LRP11: variants seen among roughly 807,000 people sequenced by gnomAD.
The protein encoded by LRP11 is LDL receptor related protein 11.
In LRP11, 25 loss-of-function variants were observed where a neutral mutation model predicts 43.1. That is an observed-to-expected ratio of 0.58 (90% CI 0.42 to 0.81). The LOEUF (loss-of-function observed/expected upper bound fraction) is 0.81, where lower values mean the gene tolerates loss of function less well. LRP11 is among the 30% of genes least tolerant of loss of function. The pLI is 0.00. For synonymous variants in LRP11, 316 were observed against 299.4 expected (o/e 1.06, Z -0.57); for missense variants, 623 against 665.1 (o/e 0.94, Z 0.70).
chr6:149,861,395 G>A (rs895841772), intron 1 of LRP11, among the ~76,000 whole-genome samples: 1 of 152,060 alleles, frequency 6.6e-6, no homozygotes, highest in Non-Finnish European at 1.5e-5. Flanking sequence ...CACCGCGCTC[G>A]CCTATTTTCA....
chr6:149,853,099 G>A lies in LRP11; in HGVS notation c.675C>T (p.Asp225=), dbSNP rs756634027. The change falls in exon 2 of 7, where the codon GAC becomes GAT. Residue 225 remains aspartate (D), a synonymous_variant. Coordinates refer to ENST00000239367, the MANE Select transcript of LRP11 (RefSeq NM_032832.6). ...TCTCGCGGCCGTCTAGAACCACCCC[G>A]TCTGTGGGCAGATGCAGAACCACAT... ...GQDVVLHLPT[D]GVVLDGREST... The A allele has an allele frequency of 7.4e-6, 12 of 1,612,222 alleles. No individual in the cohort carries two copies. The highest frequency in any genetic ancestry group is 6.7e-5 in the East Asian group (3 of 44,718).
intron 5 of LRP11, among the ~76,000 whole-genome samples, chr6:149,833,113 A>G (rs967625347): frequency 1.3e-5 from 2 of 151,470 alleles, no homozygotes; most frequent in Non-Finnish European, 2.9e-5. Flanking sequence ...TGGCCTTTGT[A>G]TTTTTAGTAG....
At chr6:149,842,424 T>G in intron 3 of LRP11, 1 of 574,056 alleles carries the variant, frequency 1.7e-6, no homozygotes, top group Non-Finnish European at 3.1e-6. Flanking sequence ...AAACCTACTG[T>G]TTTAGCAATT....
chr6:149,848,141 G>A (rs1248611941), intron 2 of LRP11, among the ~76,000 whole-genome samples: 1 of 151,920 alleles, frequency 6.6e-6, no homozygotes, highest in East Asian at 1.9e-4. Flanking sequence ...TCATGAATGA[G>A]GTTAGTGCCC....
At chr6:149,822,873 T>C (rs1176008801) in intron 6 of LRP11, among the ~76,000 whole-genome samples, 1 of 152,196 alleles carries the variant, frequency 6.6e-6, no homozygotes, top group African/African-American at 2.4e-5. Context: ...CAGATTGAGA[T>C]GCCTATCAGC....
At position 149,863,787 on chromosome 6, in the gene LRP11, C is replaced by T. The variant is rs1237193960; in HGVS notation, c.234G>A (p.Glu78=). The part of the protein sequence containing the change: ...QERPQEELEL[E]LRAGGGPQED... ...CCTGGGGGCCGCCGCCCGCGCGCAGCTCCAGCTCCAGCTCCTCCTGAGGCC... is the reference window on the plus strand; with the variant it reads ...CCTGGGGGCCGCCGCCCGCGCGCAGTTCCAGCTCCAGCTCCTCCTGAGGCC... Residue 78 remains glutamate, a synonymous_variant, in exon 1 of 7, where the codon GAG becomes GAA. Coordinates refer to ENST00000239367, the MANE Select transcript of LRP11 (RefSeq NM_032832.6). The T allele has an allele frequency of 1.3e-6, 2 of 1,486,044 alleles. No individual in the cohort carries two copies. The highest frequency in any genetic ancestry group is 1.5e-5 in the African/African-American group (1 of 68,478). The allele number at this position is 1,486,044 out of a possible 1,614,324, so 92.1% of individuals were successfully genotyped here.
intron 3 of LRP11, 103 bp downstream of exon 3, chr6:149,842,880 A>T: frequency 7.2e-7 from 1 of 1,391,086 alleles, no homozygotes; most frequent in South Asian, 1.3e-5. Flanking sequence ...ATAACCAAAA[A>T]TAAAATGGAA....
At chr6:149,833,404 T>C (rs1321523372) in intron 5 of LRP11, among the ~76,000 whole-genome samples, 4 of 152,162 alleles carry the variant, frequency 2.6e-5, no homozygotes, top group Non-Finnish European at 5.9e-5. Flanking sequence ...TTCAGTTTTG[T>C]TTTTTTCTTC....
chr6:149,823,186 A>C (rs955963262), intron 6 of LRP11, among the ~76,000 whole-genome samples: 4 of 152,200 alleles, frequency 2.6e-5, no homozygotes, highest in Non-Finnish European at 4.4e-5. Context: ...TCCTCAGCTG[A>C]ATCAAATGCT....
chr6:149,854,222 G>A (rs1047860655), intron 1 of LRP11, among the ~76,000 whole-genome samples: 4 of 152,152 alleles, frequency 2.6e-5, no homozygotes, highest in African/African-American at 9.7e-5. Flanking sequence ...CTGGGCTCAA[G>A]TGATCCTCCT....
At chr6:149,833,060 G>A (rs186368249) in intron 5 of LRP11, among the ~76,000 whole-genome samples, 156 of 152,126 alleles carry the variant, frequency 1.0e-3, no homozygotes, top group Non-Finnish European at 1.7e-3. Context: ...CGCCTGCCTC[G>A]GCCTCCCAAA....
Position 149,826,302 on chromosome 6 carries a change from C to A in LRP11, c.1310G>T (p.Gly437Val). Residue 437 changes from glycine (G) to valine (V), a missense_variant, in exon 6 of 7, where the codon GGT (glycine) becomes GTT (valine). Physicochemically the swap from Gly to Val is moderately radical, Grantham distance 109 (BLOSUM62 -3). Transcript: ENST00000239367. Reference sequence around the variant, plus strand: ...TGGGTGTTCCCCTCCTCCTCCATCACCCTTTGACTCAAATATATAACTTTC... The same window carrying A: ...TGGGTGTTCCCCTCCTCCTCCATCAACCTTTGACTCAAATATATAACTTTC... ...KEESYIFESK[G>V]DGGGGEHPAP... 6.2e-7 allele frequency: 1 copy of A among 1,613,856 alleles called. No individual in the cohort carries two copies. Among genetic ancestry groups the A allele is most frequent in the Middle Eastern group, 1.7e-4 (1 of 6,058 alleles).
At chr6:149,857,239 G>A (rs2115418401) in intron 1 of LRP11, among the ~76,000 whole-genome samples, 1 of 152,262 alleles carries the variant, frequency 6.6e-6, no homozygotes. Flanking sequence ...GTCTGACTTT[G>A]AAACAGACGC....
At position 149,837,968 on chromosome 6, in the gene LRP11, A is replaced by T. The variant is rs1297116364; in HGVS notation, c.914-505T>A. On this transcript the variant is annotated intron_variant, in intron 3 of 6. Transcript: ENST00000239367. ...GGTCTCACTCTGTCGCCCAGGCTGA[A>T]GTGCAGTGGCACAATCTTGGCTCAC... is the stretch of plus-strand genomic sequence containing the variant. 2.0e-5 allele frequency among the ~76,000 whole-genome samples: 3 copies of T among 152,104 alleles called. No individual in the cohort carries two copies. In the East Asian group the frequency reaches 5.8e-4, roughly 29 times the overall value.
chr6:149,860,546 C>A (rs1198966056), intron 1 of LRP11, among the ~76,000 whole-genome samples: 1 of 152,090 alleles, frequency 6.6e-6, no homozygotes, highest in African/African-American at 2.4e-5. Flanking sequence ...CAAAGCATGT[C>A]CCCCCTTGAA....
At position 149,820,515 on chromosome 6, in the gene LRP11, C is replaced by T. The variant is rs768943579; in HGVS notation, c.*34G>A. The T allele has an allele frequency of 1.3e-6, 1 of 763,950 alleles. No homozygotes were observed. Among genetic ancestry groups the T allele is most frequent in the South Asian group, 1.4e-5 (1 of 72,032 alleles). The allele number at this position is 763,950 out of a possible 1,614,324, so 47.3% of individuals were successfully genotyped here. ...ATAGATGTATAAATTATAAACAAAA[C>T]ATGTCCCTGCCCCAAGGTATTGAAA... On this transcript the variant is annotated 3_prime_UTR_variant, in exon 7 of 7. Transcript: ENST00000239367.
At chr6:149,850,717 C>T (rs2115406504) in intron 2 of LRP11, among the ~76,000 whole-genome samples, 1 of 152,238 alleles carries the variant, frequency 6.6e-6, no homozygotes, top group East Asian at 1.9e-4. Flanking sequence ...CCCTATATAC[C>T]TAATTTTCTT....
At chr6:149,859,396 A>ATATATATATATATATATTT in intron 1 of LRP11, among the ~76,000 whole-genome samples, 5 of 71,492 alleles carry the variant, frequency 7.0e-5, no homozygotes, top group Admixed American at 3.4e-4. Context: ...ATATATATAT[A>ATATATATATATATATATTT]TTTTTTTTTT....
chr6:149,863,386 G>A (rs1193515120), intron 1 of LRP11, 22 bp downstream of exon 1: 2 of 1,331,742 alleles, frequency 1.5e-6, no homozygotes, highest in African/African-American at 1.5e-5. Flanking sequence ...GGCCAAGGCC[G>A]GCCCCTCAGT....
Sources: allele counts gnomAD v4.1 joint callset (sites outside exome capture counted in the v4.1 genomes callset), GRCh38; gene constraint gnomAD v4.1.1; transcripts MANE v1.5; gene names NCBI Gene and HGNC (gene_info 2026-07-23, HGNC 2026-07-21).